The following SEPTIN14 variants were observed in gnomAD, a reference collection of about 807,000 sequenced individuals.
The protein encoded by SEPTIN14 is septin 14.
In SEPTIN14, 40 loss-of-function variants were observed where a neutral mutation model predicts 53.6. The observed-to-expected ratio is 0.75, with a 90% confidence interval of 0.58 to 0.97. The LOEUF is 0.97. Ranked by LOEUF, SEPTIN14 falls within the 50% of genes least tolerant of loss-of-function variation. The pLI is 0.00. For missense variants in SEPTIN14, 471 were observed against 508.2 expected (o/e 0.93, Z 0.70); for synonymous variants, 138 against 166.8 (o/e 0.83, Z 1.33).
chr7:55,843,150 T>A (rs1789344208), intron 4 of SEPTIN14, 22 bp from the exon 5 acceptor site: 1 of 1,458,414 alleles, frequency 6.9e-7, no homozygotes, highest in Admixed American at 2.4e-5. Context: ...TTTATACATT[T>A]AGCATAACAG....
chr7:55,812,991 G>A (rs1246202197), intron 7 of SEPTIN14, among the ~76,000 whole-genome samples: 3 of 150,500 alleles, frequency 2.0e-5, no homozygotes, highest in Non-Finnish European at 4.4e-5. Flanking sequence ...GCTCTTTCAC[G>A]CAGGCTGGAG....
intron 7 of SEPTIN14, among the ~76,000 whole-genome samples, chr7:55,811,652 C>A (rs1274625650): frequency 6.6e-6 from 1 of 150,752 alleles, no homozygotes; most frequent in Non-Finnish European, 1.5e-5. Context: ...TAGGCATGCA[C>A]CACCACGCCT....
intron 7 of SEPTIN14, among the ~76,000 whole-genome samples, chr7:55,815,586 A>C (rs185537745): frequency 2.0e-5 from 3 of 149,780 alleles, no homozygotes; most frequent in African/African-American, 7.6e-5. Flanking sequence ...CCAAACAAGC[A>C]AATGAAAAGG....
intron 6 of SEPTIN14, among the ~76,000 whole-genome samples, chr7:55,826,233 T>C (rs1468044074): frequency 3.9e-5 from 6 of 152,224 alleles, no homozygotes; most frequent in African/African-American, 1.2e-4. Flanking sequence ...TGTTGTATAT[T>C]GTTAACTATA....
At chr7:55,804,872 A>G (rs1788588331) in intron 9 of SEPTIN14, among the ~76,000 whole-genome samples, 1 of 152,210 alleles carries the variant, frequency 6.6e-6, no homozygotes. Context: ...CAAGGCCAGC[A>G]TTAGTCAACA....
chr7:55,827,179 A>G (rs1789003500), intron 6 of SEPTIN14, among the ~76,000 whole-genome samples: 2 of 152,204 alleles, frequency 1.3e-5, no homozygotes, highest in African/African-American at 4.8e-5. Context: ...TCTGGAGACT[A>G]AGGCTGTGCT....
chr7:55,822,419 GA>G (rs1358642001), intron 6 of SEPTIN14, among the ~76,000 whole-genome samples: 1 of 152,096 alleles, frequency 6.6e-6, no homozygotes, highest in Non-Finnish European at 1.5e-5. Context: ...AAATTTATAT[GA>G]AAAGGCAAAA....
chr7:55,818,937 G>T (rs1454339564), intron 7 of SEPTIN14, among the ~76,000 whole-genome samples, 190 bp downstream of exon 7: 1 of 152,206 alleles, frequency 6.6e-6, no homozygotes, highest in Non-Finnish European at 1.5e-5. Context: ...ACTTCTATGA[G>T]AATGAATCAT....
intron 6 of SEPTIN14, among the ~76,000 whole-genome samples, chr7:55,830,326 T>C (rs1258060902): frequency 4.7e-5 from 2 of 42,778 alleles, no homozygotes; most frequent in African/African-American, 1.7e-4. Context: ...CAACTGTATA[T>C]ATATATATAT....
chr7:55,835,231 G>A (rs4948079), intron 5 of SEPTIN14, among the ~76,000 whole-genome samples: 11 of 151,734 alleles, frequency 7.2e-5, no homozygotes, highest in African/African-American at 2.7e-4. Flanking sequence ...GACAGAGTCT[G>A]GCTCTGTTGC....
intron 5 of SEPTIN14, among the ~76,000 whole-genome samples, chr7:55,835,077 A>T (rs1176491255): frequency 6.6e-6 from 1 of 152,218 alleles, no homozygotes; most frequent in Non-Finnish European, 1.5e-5. Context: ...TTGATCTTTT[A>T]TCCAAATTCA....
intron 5 of SEPTIN14, among the ~76,000 whole-genome samples, chr7:55,839,425 G>A (rs973975389): frequency 2.7e-5 from 4 of 150,616 alleles, no homozygotes; most frequent in African/African-American, 7.3e-5. Flanking sequence ...TTTGAGAGAC[G>A]CAGGTAACTT....
At chr7:55,804,134 TAAAAAAAAA>T (rs35467838) in intron 9 of SEPTIN14, among the ~76,000 whole-genome samples, 1,737 of 47,054 alleles carry the variant, frequency 0.037, 60 homozygotes, top group African/African-American at 0.13. Flanking sequence ...AGACTCTGTC[TAAAAAAAAA>T]AAAAAAAAAA....
chr7:55,850,943 G>A (rs1789505314), intron 2 of SEPTIN14: 1 of 152,096 alleles, frequency 6.6e-6, no homozygotes, highest in African/African-American at 2.4e-5. Context: ...CAGTCATGGT[G>A]GCGGAGGCCT....
chr7:55,842,164 C>T (rs180805034), intron 5 of SEPTIN14, among the ~76,000 whole-genome samples: 2 of 152,212 alleles, frequency 1.3e-5, no homozygotes, highest in East Asian at 1.9e-4. Context: ...AGGCTATAGC[C>T]TAGATGTGTA....
chr7:55,841,368 C>T (rs1411394811), intron 5 of SEPTIN14, among the ~76,000 whole-genome samples: 1 of 152,174 alleles, frequency 6.6e-6, no homozygotes, highest in African/African-American at 2.4e-5. Flanking sequence ...TCTCAACCTC[C>T]TCCCACCCTT....
intron 8 of SEPTIN14, 47 bp downstream of exon 8, chr7:55,807,043 G>A: frequency 2.2e-6 from 3 of 1,341,424 alleles, no homozygotes; most frequent in Non-Finnish European, 3.0e-6. Flanking sequence ...TGTTTGTAGG[G>A]ACTCCTAAAT....
At chr7:55,859,596 T>C (rs1171679525) in intron 2 of SEPTIN14, among the ~76,000 whole-genome samples, 1 of 152,194 alleles carries the variant, frequency 6.6e-6, no homozygotes, top group Non-Finnish European at 1.5e-5. Flanking sequence ...TTAAGTTCTA[T>C]TATGATCCTA....
At chr7:55,840,126 TA>T (rs1297159977) in intron 5 of SEPTIN14, among the ~76,000 whole-genome samples, 1,527 of 113,360 alleles carry the variant, frequency 0.013, 10 homozygotes, top group Middle Eastern at 0.034. Context: ...GCCTGGGCAT[TA>T]AAAAAAAAAA....
Sources: gnomAD v4.1 joint callset for allele counts (sites outside exome capture counted in the v4.1 genomes callset) on GRCh38, gnomAD v4.1.1 for gene constraint, MANE v1.5 for transcripts, NCBI Gene and HGNC (gene_info 2026-07-23, HGNC 2026-07-21) for gene names.